Variants in EIF2B3 observed in about 807,000 individuals in gnomAD.
EIF2B3 encodes translation initiation factor eIF2B subunit gamma.
EIF2B3 carries 20 observed loss-of-function variants against 54.1 expected under a neutral mutation model. That is an observed-to-expected ratio of 0.37 (90% CI 0.26 to 0.54). The LOEUF (loss-of-function observed/expected upper bound fraction) is 0.54. EIF2B3 is among the 20% of genes least tolerant of loss of function. The pLI is 0.86. For missense variants in EIF2B3, 448 were observed against 547.8 expected, an observed-to-expected ratio of 0.82 and a Z score of 1.82; for synonymous variants, 153 against 188.1, an observed-to-expected ratio of 0.81 and a Z score of 1.52.
chr1:44,960,679 T>C (rs149088362), intron 3 of EIF2B3, among the ~76,000 whole-genome samples: 1 of 152,172 alleles, frequency 6.6e-6, no homozygotes, highest in East Asian at 1.9e-4. Context: ...AACAACTATT[T>C]GGATAGCATT....
intron 5 of EIF2B3, among the ~76,000 whole-genome samples, chr1:44,908,801 T>C (rs934820500): frequency 6.6e-6 from 1 of 152,064 alleles, no homozygotes; most frequent in Non-Finnish European, 1.5e-5. Flanking sequence ...GTAAAAGGCA[T>C]AAATGAAGGG....
At chr1:44,911,659 A>T (rs1217092321) in intron 5 of EIF2B3, among the ~76,000 whole-genome samples, 1 of 152,228 alleles carries the variant, frequency 6.6e-6, no homozygotes, top group Non-Finnish European at 1.5e-5. Context: ...TTTAGTTGTA[A>T]CCAGAGAAAC....
chr1:44,923,295 T>G (rs539664115), intron 5 of EIF2B3, among the ~76,000 whole-genome samples: 1 of 152,370 alleles, frequency 6.6e-6, no homozygotes, highest in Non-Finnish European at 1.5e-5. Flanking sequence ...CCTTGTCTAG[T>G]AAGCTTTCTC....
intron 5 of EIF2B3, among the ~76,000 whole-genome samples, chr1:44,924,351 C>T (rs1643810562): frequency 6.6e-6 from 1 of 152,108 alleles, no homozygotes; most frequent in South Asian, 2.1e-4. Flanking sequence ...CATTCTTTAG[C>T]TATTTTAAAA....
At chr1:44,925,632 A>G (rs560289819) in intron 5 of EIF2B3, among the ~76,000 whole-genome samples, 4 of 152,326 alleles carry the variant, frequency 2.6e-5, no homozygotes, top group Middle Eastern at 6.8e-3. Context: ...TTCACTTAAA[A>G]ATGGCCACTT....
chr1:44,942,416 T>TAC (rs1557697125), intron 3 of EIF2B3, among the ~76,000 whole-genome samples: 4 of 17,922 alleles, frequency 2.2e-4, no homozygotes, highest in African/African-American at 5.3e-4. Flanking sequence ...TATATATATA[T>TAC]ATTTTTTTTT....
At chr1:44,858,341 A>C (rs12092104) in intron 10 of EIF2B3, among the ~76,000 whole-genome samples, 11,253 of 152,028 alleles carry the variant, frequency 0.074, 1,423 homozygotes, top group African/African-American at 0.26. Context: ...GCTGCTTCTC[A>C]TCTGGGAATA....
chr1:44,861,890 T>C (rs375474892), intron 10 of EIF2B3, among the ~76,000 whole-genome samples: 2 of 152,162 alleles, frequency 1.3e-5, no homozygotes, highest in South Asian at 2.1e-4. Context: ...CCCAGTATTA[T>C]TGTGCAGCCC....
At chr1:44,866,854 C>T (rs1474374776) in intron 10 of EIF2B3, among the ~76,000 whole-genome samples, 1 of 152,164 alleles carries the variant, frequency 6.6e-6, no homozygotes, top group Non-Finnish European at 1.5e-5. Flanking sequence ...CATGCCTGGC[C>T]GGCTATGACA....
chr1:44,875,861 T>A (rs909515789), intron 8 of EIF2B3, among the ~76,000 whole-genome samples, 166 bp from the exon 9 acceptor site: 1 of 152,208 alleles, frequency 6.6e-6, no homozygotes, highest in Non-Finnish European at 1.5e-5. Flanking sequence ...ACTGCTGCCA[T>A]CTCGGCTCAC....
chr1:44,904,711 C>T (rs1277533442), intron 5 of EIF2B3, among the ~76,000 whole-genome samples: 2 of 152,230 alleles, frequency 1.3e-5, no homozygotes, highest in East Asian at 3.9e-4. Context: ...GATGGGGTTT[C>T]ACCGTGTTAG....
chr1:44,925,888 C>A (rs542799341), intron 5 of EIF2B3, among the ~76,000 whole-genome samples: 1 of 145,546 alleles, frequency 6.9e-6, no homozygotes, highest in Admixed American at 6.9e-5. Context: ...TGCACCATTG[C>A]ATTCCAGCCT....
In EIF2B3 at chr1:44,942,394, TATATATATATATATATATA is replaced by T. The variant is rs1644036302; in HGVS notation, c.295-748_295-730del. ...TTCTGATTTTATATATATATATATATATATATATATATATATATATATATTTTTTTTTTTTTTTTTTTTT... is the reference window on the plus strand; with the variant it reads ...TTCTGATTTTATATATATATATATATTATATTTTTTTTTTTTTTTTTTTTT... On this transcript the variant is annotated intron_variant, in intron 3 of 11. Coordinates refer to ENST00000360403, the MANE Select transcript of EIF2B3 (RefSeq NM_020365.5). 2.4e-4 allele frequency among the ~76,000 whole-genome samples: 4 copies of T among 16,784 alleles called. 1 individual carries two copies. The highest frequency in any genetic ancestry group is 2.4e-3 in the East Asian group (1 of 416). 11.0% of individuals were successfully genotyped at this position (16,784 alleles called of 152,430 possible).
At chr1:44,947,826 G>A (rs1224798917) in intron 3 of EIF2B3, among the ~76,000 whole-genome samples, 1 of 152,062 alleles carries the variant, frequency 6.6e-6, no homozygotes, top group Non-Finnish European at 1.5e-5. Context: ...TTCCTATGTG[G>A]TCCAATCCCA....
At chr1:44,985,151 C>A (rs897791145) in intron 1 of EIF2B3, among the ~76,000 whole-genome samples, 31 of 152,212 alleles carry the variant, frequency 2.0e-4, no homozygotes, top group African/African-American at 7.2e-4. Flanking sequence ...ATTTGCTTTA[C>A]TAGACAGAGA....
At chr1:44,972,453 T>C (rs1644410431) in intron 3 of EIF2B3, 2 of 151,754 alleles carry the variant, frequency 1.3e-5, no homozygotes, top group Admixed American at 1.3e-4. Context: ...AAACACAAAA[T>C]TAGCTGGGTG....
chr1:44,854,696 T>C (rs1654384769), intron 11 of EIF2B3, among the ~76,000 whole-genome samples: 1 of 151,772 alleles, frequency 6.6e-6, no homozygotes, highest in South Asian at 2.1e-4. Context: ...CAGGCAATTC[T>C]TCTGCCTCAG....
At chr1:44,952,998 T>C (rs1017463538) in intron 3 of EIF2B3, among the ~76,000 whole-genome samples, 4 of 152,234 alleles carry the variant, frequency 2.6e-5, no homozygotes, top group Non-Finnish European at 5.9e-5. Context: ...TAGTTCCTTG[T>C]AGGTAGCAAA....
chr1:44,946,238 G>C (rs1265284054), intron 3 of EIF2B3, among the ~76,000 whole-genome samples: 1 of 152,132 alleles, frequency 6.6e-6, no homozygotes, highest in Non-Finnish European at 1.5e-5. Flanking sequence ...GCATACAGAC[G>C]GAGGTGCTGT....
Sources: allele counts gnomAD v4.1 joint callset (sites outside exome capture counted in the v4.1 genomes callset), GRCh38; gene constraint gnomAD v4.1.1; transcripts MANE v1.5; gene names NCBI Gene and HGNC (gene_info 2026-07-23, HGNC 2026-07-21).